Variants in UGT1A5 observed in about 807,000 individuals in gnomAD.
The protein encoded by UGT1A5 is UDP-glucuronosyltransferase 1A5.
A neutral mutation model predicts 40.3 loss-of-function variants in UGT1A5; 29 were observed. The observed-to-expected ratio is 0.72, with a 90% CI of 0.54 to 0.98. The LOEUF is 0.98. UGT1A5 is among the 50% of genes least tolerant of loss of function. UGT1A5 has a pLI of 0.00. For synonymous variants in UGT1A5, 257 were observed against 262.5 expected (o/e 0.98, Z 0.20); for missense variants, 678 against 677.9 (o/e 1.00, Z 0.00).
At chr2:233,719,495 T>C (rs749585950) in intron 1 of UGT1A5, 5 of 1,613,994 alleles carry the variant, frequency 3.1e-6, no homozygotes, top group Non-Finnish European at 4.2e-6. Context: ...ACATTTGCCA[T>C]ACTTTTTCTG....
chr2:233,756,464 C>T (rs1262627096), intron 1 of UGT1A5: 3 of 151,912 alleles, frequency 2.0e-5, no homozygotes, highest in African/African-American at 7.3e-5. Context: ...TTTCAATCTG[C>T]TGTTGGCTGA....
intron 1 of UGT1A5, among the ~76,000 whole-genome samples, chr2:233,749,644 T>C (rs1173811229): frequency 2.6e-5 from 4 of 151,860 alleles, no homozygotes; most frequent in Non-Finnish European, 5.9e-5. Flanking sequence ...CCAAATCTCA[T>C]CTTGAATTGT....
intron 1 of UGT1A5, chr2:233,729,375 G>C: frequency 6.2e-7 from 1 of 1,614,010 alleles, no homozygotes; most frequent in Non-Finnish European, 8.5e-7. Context: ...ATGCCATTTC[G>C]TGGACCCAGG....
chr2:233,713,306 T>A lies in UGT1A5; in HGVS notation c.315T>A (p.His105Gln). ...GHTQSFFETE[H>Q]LLMKFSRRMA... ...CTCAATCGTTCTTTGAAACAGAACA[T>A]CTTCTGATGAAATTTTCTAGAAGAA... The change falls in exon 1 of 5, where the codon CAT becomes CAA. Residue 105 changes from histidine (H) to glutamine (Q), a missense_variant. Coordinates refer to ENST00000373414, the MANE Select transcript of UGT1A5 (RefSeq NM_019078.2). 6.2e-7 allele frequency: 1 copy of A among 1,614,234 alleles called. No homozygotes were observed. Among genetic ancestry groups the A allele is most frequent in the Non-Finnish European group, 8.5e-7 (1 of 1,180,036 alleles).
intron 1 of UGT1A5, among the ~76,000 whole-genome samples, chr2:233,728,399 G>A (rs913883256): frequency 6.6e-6 from 1 of 152,174 alleles, no homozygotes; most frequent in African/African-American, 2.4e-5. Context: ...TCTTGCCCAT[G>A]TGTGCTTTAG....
In UGT1A5 at chr2:233,713,361, A is replaced by C. The variant is rs201722242; in HGVS notation, c.370A>C (p.Ile124Leu). The change falls in exon 1 of 5, where the codon ATA (isoleucine) becomes CTA (leucine). Residue 124 changes from isoleucine (I) to leucine (L), a missense_variant. By Grantham distance (5) the Ile-to-Leu change is conservative. Coordinates refer to ENST00000373414, the MANE Select transcript of UGT1A5 (RefSeq NM_019078.2). ...AATTATGAACAATATGTCTTTGATC[A>C]TACATAGGTCTTGTGTGGAGCTACT... ...MAIMNNMSLI[I>L]HRSCVELLHN... 1.1e-5 allele frequency: 17 copies of C among 1,614,070 alleles called. No individual in the cohort carries two copies. Among genetic ancestry groups the C allele is most frequent in the African/African-American group, 1.3e-5 (1 of 74,924 alleles).
At chr2:233,760,292 C>T (rs1437444805) in intron 1 of UGT1A5, 2 of 1,613,246 alleles carry the variant, frequency 1.2e-6, no homozygotes, top group Admixed American at 1.7e-5. Flanking sequence ...GGCGCCATGG[C>T]TGTGGAGTCC....
chr2:233,753,792 G>A (rs1695310266), intron 1 of UGT1A5: 1 of 152,134 alleles, frequency 6.6e-6, no homozygotes, highest in African/African-American at 2.4e-5. Context: ...ACATTTCCAG[G>A]ACCTACCATA....
rs368882210 is a variant in UGT1A5 at position 233,718,907 on chromosome 2, A to G, written c.867+5049A>G. The G allele has an allele frequency of 5.1e-5, 83 of 1,614,008 alleles. No homozygotes were observed. In the East Asian group the frequency reaches 5.3e-4, roughly 10 times the overall value. On this transcript the variant is annotated intron_variant, in intron 1 of 4. Coordinates refer to ENST00000373414, the MANE Select transcript of UGT1A5 (RefSeq NM_019078.2). ...GTGTCCAGCCCTGGGCTGAGAGTGG[A>G]AAGGTGTTGGTGGTGCCCACTGATG...
chr2:233,746,667 C>T (rs4663969), intron 1 of UGT1A5, among the ~76,000 whole-genome samples: 19 of 151,232 alleles, frequency 1.3e-4, no homozygotes, highest in Non-Finnish European at 2.4e-4. Flanking sequence ...GAGTTCCTAG[C>T]ATAGTAGGTA....
Position 233,719,292 on chromosome 2 carries a change from G to A in UGT1A5, c.867+5434G>A, listed in dbSNP as rs146073833. 838 of 1,613,610 alleles carry A rather than the reference G, an allele frequency of 5.2e-4. 5 individuals are homozygous for A. The African/African-American group carries it at 8.5e-3, about 16-fold the overall frequency. On this transcript the variant is annotated intron_variant, in intron 1 of 4. Transcript: ENST00000373414. ...TTTAACAGACCCCGTTAACCTCTGTGGGGCGGTGCTGGCTAAGTACCTGTC... is the reference window on the plus strand; with the variant it reads ...TTTAACAGACCCCGTTAACCTCTGTAGGGCGGTGCTGGCTAAGTACCTGTC...
intron 1 of UGT1A5, among the ~76,000 whole-genome samples, chr2:233,765,129 C>T (rs936294408): frequency 1.3e-5 from 2 of 152,146 alleles, no homozygotes; most frequent in African/African-American, 2.4e-5. Flanking sequence ...CAGGTTTTAG[C>T]ACTGAACATC....
intron 1 of UGT1A5, among the ~76,000 whole-genome samples, chr2:233,736,432 A>G (rs1471757710): frequency 6.6e-6 from 1 of 152,142 alleles, no homozygotes; most frequent in East Asian, 1.9e-4. Flanking sequence ...TCAAGGTTCA[A>G]CCTTCCTTGC....
intron 1 of UGT1A5, among the ~76,000 whole-genome samples, chr2:233,746,568 A>G (rs1299748110): frequency 6.6e-6 from 1 of 151,704 alleles, no homozygotes; most frequent in Non-Finnish European, 1.5e-5. Flanking sequence ...AGAGCACCAC[A>G]CCCTGTAATT....
chr2:233,741,488 C>CA (rs1484608191), intron 1 of UGT1A5: 1 of 151,842 alleles, frequency 6.6e-6, no homozygotes, highest in Non-Finnish European at 1.5e-5. Context: ...GTCTGATGTA[C>CA]AAAAAACTGA....
intron 1 of UGT1A5, among the ~76,000 whole-genome samples, chr2:233,744,831 G>T (rs1406769887): frequency 6.6e-6 from 1 of 151,816 alleles, no homozygotes; most frequent in Non-Finnish European, 1.5e-5. Flanking sequence ...TTTGAGAATC[G>T]CTAGTCTAGC....
chr2:233,754,940 G>C (rs777236330), intron 1 of UGT1A5: 1 of 1,335,680 alleles, frequency 7.5e-7, no homozygotes, highest in Admixed American at 1.9e-5. Flanking sequence ...GGTCAAAGGA[G>C]AATGGGTCCC....
intron 1 of UGT1A5, chr2:233,760,407 G>A (rs749423657): frequency 4.3e-6 from 7 of 1,614,102 alleles, no homozygotes; most frequent in Non-Finnish European, 5.9e-6. Context: ...GCAGCCACTG[G>A]CTGAGCATGC....
chr2:233,729,081 G>A lies in UGT1A5; in HGVS notation c.867+15223G>A, dbSNP rs376039648. 312 of 1,612,238 alleles carry A rather than the reference G, an allele frequency of 1.9e-4. No individual in the cohort carries two copies. The African/African-American group carries it at 3.8e-3, about 20-fold the overall frequency. On this transcript the variant is annotated intron_variant, in intron 1 of 4. Coordinates refer to ENST00000373414, the MANE Select transcript of UGT1A5 (RefSeq NM_019078.2). ...TAAGATGAAGAAAGCAAATGTAGCAGGCACAGCGTGGGGTGGACAGTCAGC... is the reference window on the plus strand; with the variant it reads ...TAAGATGAAGAAAGCAAATGTAGCAAGCACAGCGTGGGGTGGACAGTCAGC...
Sources: allele counts gnomAD v4.1 joint callset (sites outside exome capture counted in the v4.1 genomes callset), GRCh38; gene constraint gnomAD v4.1.1; transcripts MANE v1.5; gene names NCBI Gene and HGNC (gene_info 2026-07-23, HGNC 2026-07-21).